NFATC3: variants seen among roughly 807,000 people sequenced by gnomAD.
The protein encoded by NFATC3 is nuclear factor of activated T cells 3, also known as nuclear factor of activated T-cells, cytoplasmic 3.
In NFATC3, 46 loss-of-function variants were observed where a neutral mutation model predicts 98.6. That is an observed-to-expected ratio of 0.47 (90% CI 0.37 to 0.60). The LOEUF is 0.60. Among genes scored for constraint, NFATC3 ranks in the 20% least tolerant of loss-of-function variants. The pLI is 0.00. For missense variants in NFATC3, 1,256 were observed against 1,295.5 expected, an observed-to-expected ratio of 0.97 and a Z score of 0.47; for synonymous variants, 512 against 472.2, an observed-to-expected ratio of 1.08 and a Z score of -1.09.
At chr16:68,224,817 G>T (rs1365570637) in intron 9 of NFATC3, 1 of 152,060 alleles carries the variant, frequency 6.6e-6, no homozygotes, top group African/African-American at 2.4e-5. Flanking sequence ...GTTTTGGTCT[G>T]TTTTTGTTTA....
chr16:68,137,920 G>A (rs74624758), intron 3 of NFATC3, among the ~76,000 whole-genome samples: 2 of 148,348 alleles, frequency 1.3e-5, no homozygotes, highest in Non-Finnish European at 3.0e-5. Flanking sequence ...GTGCCCGGCC[G>A]TATGTTTCAT....
intron 3 of NFATC3, among the ~76,000 whole-genome samples, chr16:68,142,825 A>G (rs2037827719): frequency 6.6e-6 from 1 of 152,050 alleles, no homozygotes; most frequent in South Asian, 2.1e-4. Context: ...ATATGATCGT[A>G]TCTTTGGCAA....
chr16:68,099,854 G>C (rs1004780872), intron 1 of NFATC3, among the ~76,000 whole-genome samples: 1 of 152,006 alleles, frequency 6.6e-6, no homozygotes, highest in African/African-American at 2.4e-5. Flanking sequence ...GGTTGCCAAG[G>C]CTGGAGTACA....
chr16:68,170,973 G>T (rs1055568659), intron 5 of NFATC3, among the ~76,000 whole-genome samples: 1 of 152,056 alleles, frequency 6.6e-6, no homozygotes, highest in Non-Finnish European at 1.5e-5. Context: ...CACGCAAGTA[G>T]TTTTTTGGCA....
At chr16:68,119,329 AT>A (rs1298784922) in intron 1 of NFATC3, among the ~76,000 whole-genome samples, 2 of 152,176 alleles carry the variant, frequency 1.3e-5, no homozygotes. Context: ...TAGGTCCTGT[AT>A]TCCATCTTTT....
At chr16:68,144,367 T>C (rs1046561772) in intron 3 of NFATC3, among the ~76,000 whole-genome samples, 5 of 152,208 alleles carry the variant, frequency 3.3e-5, no homozygotes, top group African/African-American at 1.2e-4. Context: ...GGAATATAGT[T>C]TGTTAGGTTC....
chr16:68,098,300 A>ATT (rs200355791), intron 1 of NFATC3, among the ~76,000 whole-genome samples: 19 of 94,338 alleles, frequency 2.0e-4, no homozygotes, highest in Admixed American at 6.6e-4. Context: ...TATTATTATT[A>ATT]TTTTTTTTTT....
intron 1 of NFATC3, among the ~76,000 whole-genome samples, chr16:68,115,487 C>G (rs1161050465): frequency 6.6e-6 from 1 of 151,994 alleles, no homozygotes; most frequent in Non-Finnish European, 1.5e-5. Context: ...AGTAGTAGCG[C>G]AATCTCGGCT....
chr16:68,192,230 A>AAAAAAAAAAAATATATATAT (rs1555522047), intron 9 of NFATC3: 1 of 82,600 alleles, frequency 1.2e-5, no homozygotes, highest in African/African-American at 5.7e-5. Context: ...AAAAAAAAAA[A>AAAAAAAAAAAATATATATAT]ATATATATAT....
chr16:68,214,714 A>G (rs1206840160), intron 9 of NFATC3, among the ~76,000 whole-genome samples: 1 of 152,224 alleles, frequency 6.6e-6, no homozygotes, highest in Non-Finnish European at 1.5e-5. Flanking sequence ...GTATCTATGA[A>G]TTCTATATGG....
intron 1 of NFATC3, among the ~76,000 whole-genome samples, chr16:68,100,348 A>G (rs142868248): frequency 0.031 from 4,735 of 152,134 alleles, 243 homozygotes; most frequent in African/African-American, 0.11. Context: ...CGAGGTAGGC[A>G]GATCACTTGA....
intron 3 of NFATC3, among the ~76,000 whole-genome samples, chr16:68,137,121 G>T (rs948328019): frequency 6.6e-6 from 1 of 151,720 alleles, no homozygotes; most frequent in African/African-American, 2.4e-5. Context: ...TAACTTTTTC[G>T]CTTTATAAGT....
rs190107279 is a variant in NFATC3 at position 68,194,368 on chromosome 16, A to T, written c.3106+2593A>T. Among the ~76,000 whole-genome samples, 9 of 152,294 alleles carry T rather than the reference A, an allele frequency of 5.9e-5. No individual in the cohort carries two copies. In the East Asian group the frequency reaches 1.5e-3, roughly 26 times the overall value. ...TTCACAACTGCATCTGATCTGTTAC[A>T]CTGTTTGGTGTACTTGAGCACTCTG... On this transcript the variant is annotated intron_variant, in intron 9 of 9. Transcript: ENST00000346183.
chr16:68,185,862 CAAAAAAAAAA>C (rs764335192), intron 8 of NFATC3, among the ~76,000 whole-genome samples: 1 of 49,358 alleles, frequency 2.0e-5, no homozygotes, highest in Non-Finnish European at 4.5e-5. Flanking sequence ...GACTCCGTCT[CAAAAAAAAAA>C]AAAAAAAAAA....
At chr16:68,103,234 ACT>A (rs1436980692) in intron 1 of NFATC3, among the ~76,000 whole-genome samples, 1 of 149,380 alleles carries the variant, frequency 6.7e-6, no homozygotes, top group African/African-American at 2.5e-5. Context: ...ACAAGGTCTC[ACT>A]CTGTTGCCCA....
chr16:68,210,314 A>G (rs1274374108), intron 9 of NFATC3, among the ~76,000 whole-genome samples: 1 of 151,574 alleles, frequency 6.6e-6, no homozygotes, highest in Non-Finnish European at 1.5e-5. Flanking sequence ...AAAAAAAGAA[A>G]AAAAAAAAGA....
At chr16:68,211,003 C>T (rs1456300772) in intron 9 of NFATC3, among the ~76,000 whole-genome samples, 7 of 151,878 alleles carry the variant, frequency 4.6e-5, no homozygotes, top group South Asian at 2.1e-4. Flanking sequence ...AGGCTGGTCT[C>T]GAACTCCTGA....
At chr16:68,182,791 T>TTAC (rs1488685379) in intron 7 of NFATC3, among the ~76,000 whole-genome samples, 47 of 152,284 alleles carry the variant, frequency 3.1e-4, no homozygotes, top group Non-Finnish European at 5.7e-4. Flanking sequence ...AGTGCTGGGA[T>TTAC]TACAAGTATG....
In NFATC3 at chr16:68,203,356, A is replaced by G. The variant is rs1004882584; in HGVS notation, c.3106+11581A>G. 4.6e-5 allele frequency among the ~76,000 whole-genome samples: 7 copies of G among 152,304 alleles called. 1 individual carries two copies. Among genetic ancestry groups the G allele is most frequent in the African/African-American group, 4.8e-5 (2 of 41,572 alleles). ...CCTACATTAAGATTTATACATGACC[A>G]GGTGCTGTGGCTCGTGTGTAATCCC... On this transcript the variant is annotated intron_variant, in intron 9 of 9. Transcript: ENST00000346183.
Sources: gnomAD v4.1 joint callset for allele counts (sites outside exome capture counted in the v4.1 genomes callset) on GRCh38, gnomAD v4.1.1 for gene constraint, MANE v1.5 for transcripts, NCBI Gene and HGNC (gene_info 2026-07-23, HGNC 2026-07-21) for gene names.